The following LRRTM4 variants were observed in gnomAD, a reference collection of about 807,000 sequenced individuals.
The protein encoded by LRRTM4 is leucine-rich repeat transmembrane neuronal protein 4.
LRRTM4 carries 25 observed loss-of-function variants against 47.6 expected under a neutral mutation model. The observed-to-expected ratio is 0.53, with a 90% CI of 0.38 to 0.73. The LOEUF (loss-of-function observed/expected upper bound fraction) is 0.73. Ranked by LOEUF, LRRTM4 falls within the 30% of genes least tolerant of loss-of-function variation. LRRTM4 has a pLI of 0.00. For synonymous variants in LRRTM4, 311 were observed against 269.5 expected (o/e 1.15, Z -1.51); for missense variants, 638 against 713.4 (o/e 0.89, Z 1.20).
At chr2:77,227,302 C>T (rs1052668704) in intron 3 of LRRTM4, among the ~76,000 whole-genome samples, 2 of 151,990 alleles carry the variant, frequency 1.3e-5, no homozygotes, top group African/African-American at 4.8e-5. Flanking sequence ...AATATTACTG[C>T]CAATGGGTTT....
intron 3 of LRRTM4, among the ~76,000 whole-genome samples, chr2:77,146,152 A>G (rs1672256724): frequency 6.6e-6 from 1 of 152,160 alleles, no homozygotes; most frequent in African/African-American, 2.4e-5. Context: ...ATTAATGTCT[A>G]AGCACTGTAA....
intron 3 of LRRTM4, among the ~76,000 whole-genome samples, chr2:76,992,883 G>A (rs1403332710): frequency 6.8e-6 from 1 of 147,444 alleles, no homozygotes; most frequent in Admixed American, 6.8e-5. Context: ...ATACTATAAG[G>A]CTTAAGTAAC....
chr2:77,081,058 T>C (rs1211934794), intron 3 of LRRTM4, among the ~76,000 whole-genome samples: 1 of 152,164 alleles, frequency 6.6e-6, no homozygotes, highest in Admixed American at 6.5e-5. Flanking sequence ...CCCATGCTGC[T>C]TATGTAATTT....
At chr2:76,775,112 G>C (rs921761231) in intron 3 of LRRTM4, among the ~76,000 whole-genome samples, 1 of 151,992 alleles carries the variant, frequency 6.6e-6, no homozygotes, top group African/African-American at 2.4e-5. Flanking sequence ...TGATTTCTTT[G>C]ATTGGCTCTA....
chr2:77,272,018 GT>G (rs1676214709), intron 3 of LRRTM4, among the ~76,000 whole-genome samples: 1 of 151,960 alleles, frequency 6.6e-6, no homozygotes, highest in Admixed American at 6.6e-5. Context: ...CTTTCCTATG[GT>G]TTTTTGCTTG....
At chr2:77,072,810 A>C (rs1423702119) in intron 3 of LRRTM4, among the ~76,000 whole-genome samples, 1 of 151,332 alleles carries the variant, frequency 6.6e-6, no homozygotes, top group Non-Finnish European at 1.5e-5. Context: ...CAAAAAAAAA[A>C]AAAAAAAAAA....
intron 3 of LRRTM4, among the ~76,000 whole-genome samples, chr2:77,313,253 C>CT (rs1451398103): frequency 6.7e-6 from 1 of 148,416 alleles, no homozygotes; most frequent in Non-Finnish European, 1.5e-5. Context: ...TGCCTCCCTA[C>CT]TTTTTCCTGA....
chr2:77,104,467 G>A (rs1671039374), intron 3 of LRRTM4, among the ~76,000 whole-genome samples: 1 of 152,162 alleles, frequency 6.6e-6, no homozygotes, highest in African/African-American at 2.4e-5. Flanking sequence ...TGGTGATATA[G>A]ATTTTAATTT....
At chr2:77,274,044 C>G (rs1469597780) in intron 3 of LRRTM4, among the ~76,000 whole-genome samples, 5 of 151,924 alleles carry the variant, frequency 3.3e-5, no homozygotes, top group African/African-American at 1.2e-4. Flanking sequence ...ACCCTGGAAT[C>G]CTTTATGTTC....
At chr2:77,163,379 T>A (rs983628457) in intron 3 of LRRTM4, among the ~76,000 whole-genome samples, 1 of 152,086 alleles carries the variant, frequency 6.6e-6, no homozygotes, top group African/African-American at 2.4e-5. Flanking sequence ...ATGGGGATAA[T>A]GGAACCAAGT....
intron 3 of LRRTM4, among the ~76,000 whole-genome samples, chr2:76,798,043 A>C (rs1211784206): frequency 6.7e-6 from 1 of 149,760 alleles, no homozygotes; most frequent in East Asian, 1.9e-4. Flanking sequence ...CAGATCAATG[A>C]GACAGAAAGT....
chr2:76,792,551 A>AAGGT (rs1478119369), intron 3 of LRRTM4, among the ~76,000 whole-genome samples: 1 of 150,722 alleles, frequency 6.6e-6, no homozygotes, highest in African/African-American at 2.5e-5. Context: ...CTGATGGCAC[A>AAGGT]AGGTAAGTTA....
At chr2:77,232,408 C>T (rs1371130061) in intron 3 of LRRTM4, among the ~76,000 whole-genome samples, 4 of 152,266 alleles carry the variant, frequency 2.6e-5, no homozygotes, top group African/African-American at 4.8e-5. Context: ...AAAAGTGTGA[C>T]GTCCACAGGG....
chr2:76,878,058 C>T (rs1022460393), intron 3 of LRRTM4, among the ~76,000 whole-genome samples: 4 of 152,030 alleles, frequency 2.6e-5, no homozygotes, highest in African/African-American at 4.8e-5. Flanking sequence ...TTTGCAACAG[C>T]GTATGTTCAC....
At chr2:77,069,584 G>A (rs189313879) in intron 3 of LRRTM4, among the ~76,000 whole-genome samples, 10 of 152,184 alleles carry the variant, frequency 6.6e-5, no homozygotes, top group Admixed American at 2.0e-4. Context: ...GGTATATTCT[G>A]GTGTCCTATT....
At chr2:77,070,959 T>C (rs1680135714) in intron 3 of LRRTM4, among the ~76,000 whole-genome samples, 1 of 152,162 alleles carries the variant, frequency 6.6e-6, no homozygotes, top group Non-Finnish European at 1.5e-5. Context: ...ATTAAATGGC[T>C]GTTTCTTTCA....
At chr2:76,973,553 C>T (rs1247545085) in intron 3 of LRRTM4, among the ~76,000 whole-genome samples, 1 of 151,802 alleles carries the variant, frequency 6.6e-6, no homozygotes, top group East Asian at 1.9e-4. Flanking sequence ...AACACTCTGC[C>T]CAAGAAAATA....
At chr2:76,860,924 G>A (rs1225129945) in intron 3 of LRRTM4, among the ~76,000 whole-genome samples, 1 of 151,962 alleles carries the variant, frequency 6.6e-6, no homozygotes, top group Non-Finnish European at 1.5e-5. Context: ...GAAAGGCCTG[G>A]TGTTAATATC....
chr2:76,932,728 A>G (rs1674813457), intron 3 of LRRTM4, among the ~76,000 whole-genome samples: 1 of 152,114 alleles, frequency 6.6e-6, no homozygotes, highest in African/African-American at 2.4e-5. Context: ...ATTCATAGAC[A>G]CACATGTGTT....
Sources: gnomAD v4.1 joint callset for allele counts (sites outside exome capture counted in the v4.1 genomes callset) on GRCh38, gnomAD v4.1.1 for gene constraint, MANE v1.5 for transcripts, NCBI Gene and HGNC (gene_info 2026-07-23, HGNC 2026-07-21) for gene names.